CPNE5: variants seen among roughly 807,000 people sequenced by gnomAD.
The protein encoded by CPNE5 is copine 5, also known as copine-5.
A neutral mutation model predicts 81.1 loss-of-function variants in CPNE5; 42 were observed. The observed-to-expected ratio is 0.52, with a 90% CI of 0.40 to 0.67. CPNE5 has a LOEUF of 0.67. Among genes scored for constraint, CPNE5 ranks in the 30% least tolerant of loss-of-function variants. CPNE5 has a pLI of 0.00. For synonymous variants in CPNE5, 313 were observed against 321.5 expected (o/e 0.97, Z 0.28); for missense variants, 612 against 815.5 (o/e 0.75, Z 3.04).
chr6:36,838,308 G>A (rs367661951), intron 1 of CPNE5, among the ~76,000 whole-genome samples: 2 of 152,216 alleles, frequency 1.3e-5, no homozygotes. Context: ...AAATGCTGTC[G>A]GTGATCTGGG....
Position 36,745,458 on chromosome 6 carries a change from G to A in CPNE5, c.1258C>T (p.His420Tyr). The change falls in exon 17 of 21, where the codon CAC becomes TAC. Residue 420 changes from histidine (H) to tyrosine (Y), a missense_variant. Coordinates refer to ENST00000244751, the MANE Select transcript of CPNE5 (RefSeq NM_020939.2). The part of the protein sequence containing the change: ...CGIDGILEAY[H>Y]RSLRTVQLYG... ...AGCTGCACAGTGCGCAGGCTGCGGT[G>A]GTAGGCCTCCAGGATGCCGTCGATG... The A allele has an allele frequency of 6.2e-7, 1 of 1,603,270 alleles. No homozygotes were observed.
chr6:36,814,956 C>G (rs935627186), intron 3 of CPNE5, among the ~76,000 whole-genome samples: 1 of 152,082 alleles, frequency 6.6e-6, no homozygotes, highest in African/African-American at 2.4e-5. Flanking sequence ...CACTGGAGGT[C>G]AGGAGTTCAA....
chr6:36,799,634 A>AG (rs1769927649), intron 4 of CPNE5, among the ~76,000 whole-genome samples: 1 of 152,138 alleles, frequency 6.6e-6, no homozygotes, highest in Non-Finnish European at 1.5e-5. Context: ...CCTGGTTGCC[A>AG]GGGGAGAAAA....
chr6:36,812,811 T>A (rs950451412), intron 3 of CPNE5, among the ~76,000 whole-genome samples: 1 of 152,226 alleles, frequency 6.6e-6, no homozygotes, highest in Non-Finnish European at 1.5e-5. Context: ...GGGACCTCTC[T>A]TTGCAGAGGC....
upstream of CPNE5, chr6:36,839,831 G>T (rs1426423123): frequency 6.6e-6 from 1 of 151,512 alleles, no homozygotes; most frequent in Non-Finnish European, 1.5e-5. The surrounding 1 kb of genome is among the most constrained non-coding windows in gnomAD (Gnocchi z 7.3). Flanking sequence ...GGGCGCTGGC[G>T]GCGGGGGTGG....
intron 10 of CPNE5, among the ~76,000 whole-genome samples, chr6:36,773,886 GAA>G (rs1767261997): frequency 1.3e-5 from 2 of 152,132 alleles, no homozygotes; most frequent in Admixed American, 1.3e-4. Context: ...GCAACATGGT[GAA>G]ACCCCATGTC....
At chr6:36,822,276 T>C in intron 2 of CPNE5, 116 bp from the exon 3 acceptor site, 3 of 746,680 alleles carry the variant, frequency 4.0e-6, no homozygotes, top group South Asian at 5.1e-5. Context: ...TGGGTAGCAC[T>C]GTTGGATCTG....
intron 3 of CPNE5, among the ~76,000 whole-genome samples, chr6:36,805,188 C>T (rs1272492179): frequency 1.3e-5 from 2 of 152,194 alleles, no homozygotes; most frequent in African/African-American, 4.8e-5. Context: ...CCAGAAGGGA[C>T]TTGGAGAGAT....
At chr6:36,827,869 CG>C (rs2150604708) in intron 1 of CPNE5, 1 of 449,654 alleles carries the variant, frequency 2.2e-6, no homozygotes, top group South Asian at 1.2e-4. Context: ...GCAGGAAAAA[CG>C]TATTTTTTTT....
At chr6:36,770,825 C>A (rs539052503) in intron 10 of CPNE5, among the ~76,000 whole-genome samples, 13 of 152,290 alleles carry the variant, frequency 8.5e-5, no homozygotes, top group African/African-American at 3.1e-4. Context: ...CGTTTTCAAA[C>A]AACAAACATA....
intron 3 of CPNE5, among the ~76,000 whole-genome samples, chr6:36,812,719 G>A (rs549589852): frequency 3.2e-4 from 49 of 152,166 alleles, no homozygotes; most frequent in Non-Finnish European, 6.5e-4. Context: ...CCCTGATCAC[G>A]GGGAGTCAGA....
rs1178851640 is a variant in CPNE5 at position 36,756,367 on chromosome 6, A to C, written c.856-69T>G. ...GTCAGGGTGAGTCTTGAGGGCTTCCAACCACCCATGGGTGTGGTCCAAGCC... is the reference window on the plus strand; with the variant it reads ...GTCAGGGTGAGTCTTGAGGGCTTCCCACCACCCATGGGTGTGGTCCAAGCC... On this transcript the variant is annotated intron_variant, in intron 12 of 20. Coordinates refer to ENST00000244751, the MANE Select transcript of CPNE5 (RefSeq NM_020939.2). 13 of 1,349,210 alleles carry C rather than the reference A, an allele frequency of 9.6e-6. No homozygotes were observed. The East Asian group carries it at 3.0e-4, about 31-fold the overall frequency. 83.6% of individuals were successfully genotyped at this position (1,349,210 alleles called of 1,614,324 possible).
At chr6:36,782,868 C>CAAAAAA (rs56046087) in intron 8 of CPNE5, among the ~76,000 whole-genome samples, 4 of 142,092 alleles carry the variant, frequency 2.8e-5, no homozygotes, top group African/African-American at 1.0e-4. Context: ...CACACACACA[C>CAAAAAA]AAAACGGCAC....
intron 13 of CPNE5, chr6:36,755,906 C>T (rs1282773837): frequency 8.1e-6 from 3 of 369,640 alleles, no homozygotes; most frequent in East Asian, 1.1e-4. Flanking sequence ...CCTCTCAGGG[C>T]AACAACCTGT....
intron 8 of CPNE5, among the ~76,000 whole-genome samples, chr6:36,790,418 T>C (rs546197612): frequency 6.6e-6 from 1 of 151,604 alleles, no homozygotes; most frequent in African/African-American, 2.4e-5. Context: ...AGATGAAGAG[T>C]TTTCCAGAGG....
At chr6:36,762,318 A>G (rs1055862468) in intron 12 of CPNE5, among the ~76,000 whole-genome samples, 1 of 151,192 alleles carries the variant, frequency 6.6e-6, no homozygotes, top group African/African-American at 2.4e-5. Flanking sequence ...ACACACACAC[A>G]CACGCATGCG....
At chr6:36,763,014 G>A in intron 11 of CPNE5, 22 bp from the exon 12 acceptor site, 1 of 1,610,322 alleles carries the variant, frequency 6.2e-7, no homozygotes, top group South Asian at 1.1e-5. Flanking sequence ...GACGGCTGCT[G>A]AGACCAAGGC....
chr6:36,757,216 T>C (rs1168773202), intron 12 of CPNE5: 1 of 546,584 alleles, frequency 1.8e-6, no homozygotes, highest in East Asian at 1.5e-4. Flanking sequence ...TGTTTTGTTT[T>C]TAATAAGGGA....
intron 3 of CPNE5, among the ~76,000 whole-genome samples, chr6:36,813,167 C>A (rs1296640777): frequency 1.3e-5 from 2 of 152,232 alleles, no homozygotes; most frequent in Non-Finnish European, 2.9e-5. Context: ...CCCCTGCAGT[C>A]CACTCTGCAC....
Sources: gnomAD v4.1 joint callset for allele counts (sites outside exome capture counted in the v4.1 genomes callset) on GRCh38, gnomAD v4.1.1 for gene constraint, Gnocchi (gnomAD v3.1) non-coding constraint, MANE v1.5 for transcripts, NCBI Gene and HGNC (gene_info 2026-07-23, HGNC 2026-07-21) for gene names.